Variants in RABGAP1L observed in about 807,000 individuals in gnomAD.
RABGAP1L encodes RAB GTPase activating protein 1 like, also known as rab GTPase-activating protein 1-like.
Under a neutral mutation model 137.7 loss-of-function variants are expected in RABGAP1L, and 63 were observed. That is an observed-to-expected ratio of 0.46 (90% CI 0.37 to 0.56). RABGAP1L has a LOEUF of 0.56. Ranked by LOEUF, RABGAP1L falls within the 20% of genes least tolerant of loss-of-function variation. RABGAP1L has a pLI of 0.00. For synonymous variants in RABGAP1L, 431 were observed against 433.7 expected, an observed-to-expected ratio of 0.99 and a Z score of 0.08; for missense variants, 1,095 against 1,244.0, an observed-to-expected ratio of 0.88 and a Z score of 1.80.
intron 13 of RABGAP1L, among the ~76,000 whole-genome samples, chr1:174,441,473 G>A (rs1169490199): frequency 2.0e-5 from 3 of 152,246 alleles, no homozygotes; most frequent in South Asian, 2.1e-4. Context: ...GGTGTCTCAC[G>A]TCTGTAATCC....
chr1:174,629,288 G>C (rs768031271), intron 13 of RABGAP1L, among the ~76,000 whole-genome samples: 1 of 152,126 alleles, frequency 6.6e-6, no homozygotes, highest in Non-Finnish European at 1.5e-5. Flanking sequence ...ATTTTCTTTT[G>C]ATTTTCACAA....
At chr1:174,501,224 T>G (rs1037598122) in intron 13 of RABGAP1L, among the ~76,000 whole-genome samples, 6 of 151,676 alleles carry the variant, frequency 4.0e-5, no homozygotes, top group Non-Finnish European at 7.4e-5. Flanking sequence ...CTCTTTTTTT[T>G]TTTTTTTGAG....
At chr1:174,896,370 T>G (rs1015768227) in intron 19 of RABGAP1L, among the ~76,000 whole-genome samples, 1 of 152,212 alleles carries the variant, frequency 6.6e-6, no homozygotes, top group African/African-American at 2.4e-5. Flanking sequence ...TTGTAAAAAT[T>G]TTCTCCCATT....
chr1:174,622,602 G>C (rs1672606825), intron 13 of RABGAP1L, among the ~76,000 whole-genome samples: 1 of 152,062 alleles, frequency 6.6e-6, no homozygotes, highest in South Asian at 2.1e-4. Context: ...ACTGTCACAA[G>C]GACAGAAAAC....
intron 10 of RABGAP1L, among the ~76,000 whole-genome samples, chr1:174,287,493 C>T (rs960663890): frequency 6.6e-6 from 1 of 152,038 alleles, no homozygotes; most frequent in African/African-American, 2.4e-5. Context: ...CACTCTATAT[C>T]TTTGTTTTTG....
At chr1:174,656,405 C>A (rs865867595) in intron 14 of RABGAP1L, among the ~76,000 whole-genome samples, 5 of 152,294 alleles carry the variant, frequency 3.3e-5, no homozygotes, top group Middle Eastern at 6.8e-3. Context: ...TTGCAGAGAG[C>A]CGAGATCATG....
chr1:174,489,348 C>T (rs1659987033), intron 13 of RABGAP1L, among the ~76,000 whole-genome samples: 1 of 151,942 alleles, frequency 6.6e-6, no homozygotes, highest in Non-Finnish European at 1.5e-5. Flanking sequence ...ATCAAACAAC[C>T]CCATCAAAAA....
In RABGAP1L at chr1:174,562,221, A is replaced by T. The variant is rs145210337; in HGVS notation, c.1711-75154A>T. ...TGAACAGACACTTCTCAAAAGAAAG[A>T]CATTTATGCAGCCAACAAACATATG... is the stretch of plus-strand genomic sequence containing the variant. On this transcript the variant is annotated intron_variant, in intron 13 of 25. Coordinates refer to ENST00000681986, the MANE Select transcript of RABGAP1L (RefSeq NM_001366446.1). Among the ~76,000 whole-genome samples the T allele has an allele frequency of 3.3e-4, 51 of 152,368 alleles. No homozygotes were observed. In the East Asian group the frequency reaches 9.6e-3, roughly 29 times the overall value.
chr1:174,304,448 A>C (rs1678008516), intron 10 of RABGAP1L, among the ~76,000 whole-genome samples: 1 of 151,872 alleles, frequency 6.6e-6, no homozygotes, highest in African/African-American at 2.4e-5. Context: ...TAGCAAATTA[A>C]ATCCATATAT....
At chr1:174,932,489 T>A (rs1389134740) in intron 19 of RABGAP1L, among the ~76,000 whole-genome samples, 1 of 152,132 alleles carries the variant, frequency 6.6e-6, no homozygotes, top group Non-Finnish European at 1.5e-5. Context: ...GATGCTGTTT[T>A]TCTCATCCCA....
At chr1:174,371,701 C>G (rs1685125117) in intron 12 of RABGAP1L, among the ~76,000 whole-genome samples, 1 of 151,886 alleles carries the variant, frequency 6.6e-6, no homozygotes. Flanking sequence ...AAATACTTCC[C>G]CATATTAGTA....
In RABGAP1L at chr1:174,946,917, AATATATATAT is replaced by A. The variant is rs1229002557; in HGVS notation, c.2341-10525_2341-10516del. On this transcript the variant is annotated intron_variant, in intron 19 of 25. Coordinates refer to ENST00000681986, the MANE Select transcript of RABGAP1L (RefSeq NM_001366446.1). ...CTCCATCTCAAAAAAAAAAAAAAAAAATATATATATATATATATATATATGTGTGTGTGTG... is the reference window on the plus strand; with the variant it reads ...CTCCATCTCAAAAAAAAAAAAAAAAAATATATATATATATGTGTGTGTGTG... 8.4e-5 allele frequency among the ~76,000 whole-genome samples: 5 copies of A among 59,824 alleles called. No individual in the cohort carries two copies. The East Asian group carries it at 1.7e-3, about 20-fold the overall frequency. The allele number at this position is 59,824 out of a possible 152,430, so 39.2% of individuals were successfully genotyped here.
intron 23 of RABGAP1L, among the ~76,000 whole-genome samples, chr1:174,980,929 G>A (rs528409690): frequency 1.3e-5 from 2 of 150,448 alleles, no homozygotes; most frequent in South Asian, 2.1e-4. Context: ...TTTGCTAGAC[G>A]AGAAAACCTT....
chr1:174,396,112 A>T (rs1304971365), intron 13 of RABGAP1L, among the ~76,000 whole-genome samples: 3 of 152,188 alleles, frequency 2.0e-5, no homozygotes, highest in African/African-American at 7.2e-5. Flanking sequence ...AATGTTTAGA[A>T]TAGGCAAACC....
intron 1 of RABGAP1L, among the ~76,000 whole-genome samples, chr1:174,162,631 G>A (rs1401726354): frequency 2.0e-5 from 3 of 151,894 alleles, no homozygotes; most frequent in Non-Finnish European, 4.4e-5. Flanking sequence ...CAGGCACAGA[G>A]CTTGCTTATG....
At chr1:174,241,401 T>TA (rs879243049) in intron 4 of RABGAP1L, 82 bp from the exon 5 acceptor site, 51,718 of 671,810 alleles carry the variant, frequency 0.077, 1 homozygote, top group Non-Finnish European at 0.086. Context: ...TCTTTTTTTT[T>TA]AAAAAAAAAA....
intron 18 of RABGAP1L, among the ~76,000 whole-genome samples, chr1:174,780,546 C>T (rs1417613663): frequency 6.6e-6 from 1 of 152,038 alleles, no homozygotes; most frequent in Admixed American, 6.6e-5. Context: ...AGTTTACTTG[C>T]TAAAGTACAT....
chr1:174,912,298 T>A (rs1027629031), intron 19 of RABGAP1L, among the ~76,000 whole-genome samples: 1 of 152,102 alleles, frequency 6.6e-6, no homozygotes, highest in Admixed American at 6.6e-5. Flanking sequence ...CATGCCACCA[T>A]GCCCAGCTAA....
intron 13 of RABGAP1L, among the ~76,000 whole-genome samples, chr1:174,586,452 AGGTGATG>A (rs1481483796): frequency 3.9e-5 from 6 of 152,056 alleles, no homozygotes; most frequent in African/African-American, 1.4e-4. Context: ...CTTAATACCT[AGGTGATG>A]GGTTGTTAAG....
Sources: allele counts gnomAD v4.1 joint callset (sites outside exome capture counted in the v4.1 genomes callset), GRCh38; gene constraint gnomAD v4.1.1; transcripts MANE v1.5; gene names NCBI Gene and HGNC (gene_info 2026-07-23, HGNC 2026-07-21).